HERC2: variants seen among roughly 807,000 people sequenced by gnomAD.
HERC2 encodes the protein E3 ubiquitin-protein ligase HERC2.
In HERC2, 102 loss-of-function variants were observed where a neutral mutation model predicts 537.7. The observed-to-expected ratio is 0.19, with a 90% CI of 0.16 to 0.22. The LOEUF is 0.22. HERC2 is among the 10% of genes least tolerant of loss of function. HERC2 has a pLI of 1.00. For missense variants in HERC2, 4,236 were observed against 6,198.2 expected (o/e 0.68, Z 10.63); for synonymous variants, 2,224 against 2,466.2 (o/e 0.90, Z 2.91).
At chr15:28,244,539 TTCTC>T (rs1451795006) in intron 23 of HERC2, among the ~76,000 whole-genome samples, 3 of 152,170 alleles carry the variant, frequency 2.0e-5, no homozygotes, top group African/African-American at 4.8e-5. Context: ...TGTGACACAG[TTCTC>T]TCTATGATCA....
chr15:28,229,062 CAT>C (rs1901552379), intron 34 of HERC2, 131 bp downstream of exon 34: 1 of 864,456 alleles, frequency 1.2e-6, no homozygotes, highest in Non-Finnish European at 1.9e-6. Flanking sequence ...CTGACAGCAG[CAT>C]AGATTATACA....
Position 28,299,880 on chromosome 15 carries a change from C to T in HERC2, c.73-364G>A, listed in dbSNP as rs564601099. Among the ~76,000 whole-genome samples the T allele has an allele frequency of 1.1e-4, 16 of 151,826 alleles. No homozygotes were observed. The South Asian group carries it at 1.3e-3, about 12-fold the overall frequency. On this transcript the variant is annotated intron_variant, in intron 2 of 92. Transcript: ENST00000261609. The stretch of plus-strand genomic sequence containing the variant: ...CAGCCTGGCCAACACGGTGAAACCC[C>T]GTCCCAACTAAAAATACAAAAAATT...
intron 71 of HERC2, among the ~76,000 whole-genome samples, chr15:28,146,003 G>A (rs1891692188): frequency 6.6e-6 from 1 of 152,214 alleles, no homozygotes; most frequent in Non-Finnish European, 1.5e-5. Flanking sequence ...TGTCTGATGA[G>A]GCAGGGCCCA....
At chr15:28,231,875 C>A (rs1486101607) in intron 30 of HERC2, among the ~76,000 whole-genome samples, 2 of 151,228 alleles carry the variant, frequency 1.3e-5, no homozygotes, top group African/African-American at 4.9e-5. Context: ...AAACAACACA[C>A]AATAAATCTA....
chr15:28,291,546 T>G (rs1328896041), intron 4 of HERC2, among the ~76,000 whole-genome samples: 2 of 152,134 alleles, frequency 1.3e-5, no homozygotes, highest in Admixed American at 6.5e-5. Flanking sequence ...TTTTATAATC[T>G]ATACATTTTT....
intron 52 of HERC2, among the ~76,000 whole-genome samples, chr15:28,195,919 C>G (rs976287976): frequency 2.0e-5 from 3 of 152,236 alleles, no homozygotes; most frequent in Admixed American, 2.0e-4. Flanking sequence ...ACCAATTCCA[C>G]ATGCCATGCA....
rs950080180 is a variant in HERC2 at position 28,129,813 on chromosome 15, T to C, written c.12802+350A>G. Among the ~76,000 whole-genome samples, 34 of 150,076 alleles carry C rather than the reference T, an allele frequency of 2.3e-4. 1 individual carries two copies. Among genetic ancestry groups the C allele is most frequent in the South Asian group, 8.5e-4 (4 of 4,716 alleles). On this transcript the variant is annotated intron_variant, in intron 83 of 92. Transcript: ENST00000261609. ...TTTTTTTTTTGAGACAGTCTTGCTC[T>C]GTCACCAGGCTGGAGTGCAATGGCA...
At chr15:28,293,386 A>G (rs1372983494) in intron 3 of HERC2, among the ~76,000 whole-genome samples, 5 of 151,054 alleles carry the variant, frequency 3.3e-5, no homozygotes, top group African/African-American at 4.9e-5. Context: ...CCAGCTACTC[A>G]GGAGGCTGAG....
intron 23 of HERC2, among the ~76,000 whole-genome samples, chr15:28,245,197 A>G (rs1429758150): frequency 6.6e-6 from 1 of 152,162 alleles, no homozygotes; most frequent in African/African-American, 2.4e-5. Context: ...AGGACTTTGT[A>G]AAATTTCATT....
intron 55 of HERC2, among the ~76,000 whole-genome samples, chr15:28,190,011 CTT>C (rs72036273): frequency 1.4e-4 from 19 of 137,728 alleles, no homozygotes; most frequent in Non-Finnish European, 1.6e-4. Flanking sequence ...TTCTTTCTTT[CTT>C]TTTTTTTTTT....
At chr15:28,253,707 A>G (rs1246241909) in intron 20 of HERC2, among the ~76,000 whole-genome samples, 5 of 152,392 alleles carry the variant, frequency 3.3e-5, no homozygotes, top group South Asian at 4.1e-4. Context: ...TACGCCTGAA[A>G]TCCCAACACT....
At chr15:28,288,848 C>CA (rs374534381) in intron 4 of HERC2, among the ~76,000 whole-genome samples, 11,053 of 74,616 alleles carry the variant, frequency 0.15, 758 homozygotes, top group East Asian at 0.5. Context: ...AACTCCATCT[C>CA]AAAAAAAAAA....
intron 2 of HERC2, 36 bp from the exon 3 acceptor site, chr15:28,299,552 TCA>T (rs745854216): frequency 7.4e-6 from 8 of 1,085,894 alleles, no homozygotes; most frequent in African/African-American, 1.5e-5. Flanking sequence ...TACAGAGTGC[TCA>T]CACTCACATT....
chr15:28,302,812 AG>A (rs1399186437), intron 2 of HERC2, among the ~76,000 whole-genome samples: 1 of 151,520 alleles, frequency 6.6e-6, no homozygotes, highest in Non-Finnish European at 1.5e-5. Flanking sequence ...TCTTCTTTTG[AG>A]AAATGTCTAT....
At chr15:28,166,695 T>C (rs1894170575) in intron 68 of HERC2, among the ~76,000 whole-genome samples, 1 of 151,556 alleles carries the variant, frequency 6.6e-6, no homozygotes, top group Non-Finnish European at 1.5e-5. Context: ...TCCACAGGGA[T>C]CCCAATGACC....
At chr15:28,182,321 TA>T in intron 57 of HERC2, 79 bp downstream of exon 57, 1 of 859,442 alleles carries the variant, frequency 1.2e-6, no homozygotes, top group Non-Finnish European at 2.0e-6. Flanking sequence ...ATATAGAGAG[TA>T]AAGTTATTAT....
At chr15:28,310,122 T>G (rs1239756302) in intron 2 of HERC2, among the ~76,000 whole-genome samples, 1 of 152,090 alleles carries the variant, frequency 6.6e-6, no homozygotes, top group Non-Finnish European at 1.5e-5. Flanking sequence ...CTAGGCAACA[T>G]AGCAAGACCG....
chr15:28,135,271 T>C (rs1019728498), intron 79 of HERC2, among the ~76,000 whole-genome samples: 14 of 152,204 alleles, frequency 9.2e-5, no homozygotes, highest in African/African-American at 3.4e-4. Flanking sequence ...AATTGACTTT[T>C]TTTTCCCTCT....
intron 70 of HERC2, among the ~76,000 whole-genome samples, chr15:28,148,978 C>CA (rs1163149480): frequency 2.0e-5 from 3 of 149,204 alleles, no homozygotes; most frequent in Non-Finnish European, 4.4e-5. Flanking sequence ...GTAAAATTAC[C>CA]AAAAAAACAC....
Sources: gnomAD v4.1 joint callset for allele counts (sites outside exome capture counted in the v4.1 genomes callset) on GRCh38, gnomAD v4.1.1 for gene constraint, MANE v1.5 for transcripts, NCBI Gene and HGNC (gene_info 2026-07-23, HGNC 2026-07-21) for gene names.